Variants in EML6 observed in about 807,000 individuals in gnomAD.
EML6 encodes EMAP like 6.
A neutral mutation model predicts 240.1 loss-of-function variants in EML6; 154 were observed. That is an observed-to-expected ratio of 0.64 (90% CI 0.56 to 0.73). The LOEUF (loss-of-function observed/expected upper bound fraction) is 0.73, where lower values mean the gene tolerates loss of function less well. Among genes scored for constraint, EML6 ranks in the 30% least tolerant of loss-of-function variants. The pLI is 0.00. For synonymous variants in EML6, 1,148 were observed against 899.0 expected (o/e 1.28, Z -4.95); for missense variants, 2,964 against 2,474.6 (o/e 1.20, Z -4.20).
chr2:54,894,289 TAGAAC>T (rs1452401487), intron 19 of EML6, among the ~76,000 whole-genome samples: 1 of 151,980 alleles, frequency 6.6e-6, no homozygotes, highest in African/African-American at 2.4e-5. Flanking sequence ...ATTATAAGCT[TAGAAC>T]AGGAATAAAG....
rs533504639 is a variant in EML6, at chr2:54,967,053, G to T, written c.5547G>T (p.Gln1849His). The T allele has an allele frequency of 6.4e-7, 1 of 1,551,526 alleles. No individual in the cohort carries two copies. Reference sequence around the variant, plus strand: ...TGCATGAGGTCCCCCTGGGGAAGCAGGTAACTGAAGCCGTGGTCATTGAGA... The same window carrying T: ...TGCATGAGGTCCCCCTGGGGAAGCATGTAACTGAAGCCGTGGTCATTGAGA... ...RQVHEVPLGK[Q>H]VTEAVVIEKI... The change falls in exon 39 of 42, where the codon CAG (glutamine) becomes CAT (histidine). Residue 1849 changes from glutamine (Q) to histidine (H), a missense_variant. Coordinates refer to ENST00000356458, the MANE Select transcript of EML6 (RefSeq NM_001039753.4).
chr2:54,961,563 C>T (rs1283588659), intron 35 of EML6, among the ~76,000 whole-genome samples: 1 of 151,956 alleles, frequency 6.6e-6, no homozygotes, highest in Non-Finnish European at 1.5e-5. Context: ...GAATTGGCTG[C>T]TTTGCTCTGC....
chr2:54,788,462 TAGGC>T (rs1207210557), intron 2 of EML6, among the ~76,000 whole-genome samples: 21 of 151,160 alleles, frequency 1.4e-4, no homozygotes, highest in Non-Finnish European at 1.9e-4. Context: ...CGCTTAGGAT[TAGGC>T]GTCCAGCTGG....
intron 2 of EML6, among the ~76,000 whole-genome samples, chr2:54,788,308 G>C (rs1669199991): frequency 6.6e-6 from 1 of 152,174 alleles, no homozygotes; most frequent in African/African-American, 2.4e-5. Context: ...GTTATTTCAT[G>C]TGTTTTGTTG....
At chr2:54,889,915 T>G (rs1366379993) in intron 17 of EML6, among the ~76,000 whole-genome samples, 2 of 152,224 alleles carry the variant, frequency 1.3e-5, no homozygotes, top group Non-Finnish European at 2.9e-5. Flanking sequence ...TGTTCTATCT[T>G]TAAAGAAAAG....
chr2:54,869,386 C>CT lies in EML6; in HGVS notation c.2238+20dup. On this transcript the variant is annotated intron_variant, in intron 15 of 41. Coordinates refer to ENST00000356458, the MANE Select transcript of EML6 (RefSeq NM_001039753.4). ...TGGGCAGGTATCTATCTCCTGTAAA[C>CT]TAGGGCCTAGCCAAAAAGAGAATTT... is the stretch of plus-strand genomic sequence containing the variant. 1 of 1,502,376 alleles carries CT rather than the reference C, an allele frequency of 6.7e-7. No homozygotes were observed. Among genetic ancestry groups the CT allele is most frequent in the Non-Finnish European group, 9.0e-7 (1 of 1,112,952 alleles). The allele number at this position is 1,502,376 out of a possible 1,614,324, so 93.1% of individuals were successfully genotyped here. A position where few individuals can be genotyped will look rare whatever the true frequency, so the allele number is the denominator to read the frequency against.
intron 2 of EML6, among the ~76,000 whole-genome samples, chr2:54,799,980 T>G (rs1015330255): frequency 6.6e-6 from 1 of 152,092 alleles, no homozygotes; most frequent in African/African-American, 2.4e-5. Flanking sequence ...GTGTGGTGGC[T>G]CACGCCTGTA....
At chr2:54,723,885 AG>A (rs1342673684) in intron 1 of EML6, 108 bp downstream of exon 1, 2 of 152,318 alleles carry the variant, frequency 1.3e-5, no homozygotes, top group African/African-American at 4.8e-5. Context: ...AACAGTCCTG[AG>A]GGCGGGCATC....
At chr2:54,813,017 A>G (rs778525463) in intron 2 of EML6, among the ~76,000 whole-genome samples, 1 of 152,234 alleles carries the variant, frequency 6.6e-6, no homozygotes, top group African/African-American at 2.4e-5. Flanking sequence ...ACCAATGGGT[A>G]AGACCAAATG....
chr2:54,935,260 C>A (rs1396477521), intron 28 of EML6, among the ~76,000 whole-genome samples: 1 of 152,106 alleles, frequency 6.6e-6, no homozygotes, highest in Admixed American at 6.6e-5. Flanking sequence ...GTGTTCCTGT[C>A]CTGTGAATGG....
At chr2:54,815,189 G>T (rs143006635) in intron 3 of EML6, among the ~76,000 whole-genome samples, 1 of 152,260 alleles carries the variant, frequency 6.6e-6, no homozygotes, top group African/African-American at 2.4e-5. Flanking sequence ...ATTTATGTTA[G>T]AATCCTAGCT....
At chr2:54,843,511 T>C (rs1251651843) in intron 7 of EML6, among the ~76,000 whole-genome samples, 2 of 152,030 alleles carry the variant, frequency 1.3e-5, no homozygotes. Flanking sequence ...GCAAACTAGA[T>C]TACAAGGGGT....
chr2:54,907,895 A>AT (rs1353372130), intron 24 of EML6, among the ~76,000 whole-genome samples: 3 of 130,602 alleles, frequency 2.3e-5, no homozygotes, highest in African/African-American at 9.8e-5. Context: ...GATAGATTAG[A>AT]TAGATTAGAT....
chr2:54,875,083 C>T (rs1226571529), intron 16 of EML6, among the ~76,000 whole-genome samples: 1 of 152,270 alleles, frequency 6.6e-6, no homozygotes, highest in East Asian at 1.9e-4. Context: ...TGTGCAGGCT[C>T]ACTTTCTGCT....
chr2:54,839,792 G>A (rs1380340288), intron 7 of EML6, among the ~76,000 whole-genome samples: 2 of 152,134 alleles, frequency 1.3e-5, no homozygotes, highest in African/African-American at 2.4e-5. Context: ...CCCTGGATAT[G>A]GTCTGAAAAA....
chr2:54,949,102 C>T lies in EML6; in HGVS notation c.4083+142C>T, dbSNP rs1408362852. 1.4e-5 allele frequency: 9 copies of T among 664,740 alleles called. No individual in the cohort carries two copies. The East Asian group carries it at 1.4e-4, about 10-fold the overall frequency. The allele number at this position is 664,740 out of a possible 1,614,324, so 41.2% of individuals were successfully genotyped here. A position where few individuals can be genotyped will look rare whatever the true frequency, so the allele number is the denominator to read the frequency against. On this transcript the variant is annotated intron_variant, in intron 29 of 41. Transcript: ENST00000356458. ...TCTCTTTTGTCCCCTCTCCCTCCTA[C>T]GTAGCACTGTGTCTTCCATCCCAGG...
intron 10 of EML6, among the ~76,000 whole-genome samples, chr2:54,850,585 AAAC>A (rs1198447175): frequency 6.6e-6 from 1 of 152,054 alleles, no homozygotes; most frequent in Non-Finnish European, 1.5e-5. Flanking sequence ...AAGGAAAAAA[AAAC>A]ATTAGAAAAA....
rs1676661594 is a variant in EML6, at chr2:54,964,452, G to A, written c.5331-119G>A. The A allele has an allele frequency of 7.6e-6, 7 of 918,272 alleles. No individual in the cohort carries two copies. In the Admixed American group the frequency reaches 1.7e-4, roughly 22 times the overall value. 56.9% of individuals were successfully genotyped at this position (918,272 alleles called of 1,614,324 possible). ...GCCAGGAGAGGCTGACCACATGTGA[G>A]TCACAAGGTGGCTCTCATTGCCTTT... On this transcript the variant is annotated intron_variant, in intron 37 of 41. Coordinates refer to ENST00000356458, the MANE Select transcript of EML6 (RefSeq NM_001039753.4).
At chr2:54,907,405 G>T (rs1673381909) in intron 24 of EML6, among the ~76,000 whole-genome samples, 1 of 152,188 alleles carries the variant, frequency 6.6e-6, no homozygotes, top group Non-Finnish European at 1.5e-5. Context: ...TACTTGGGAG[G>T]CTGAGGCCAG....
Sources: allele counts gnomAD v4.1 joint callset (sites outside exome capture counted in the v4.1 genomes callset), GRCh38; gene constraint gnomAD v4.1.1; transcripts MANE v1.5; gene names NCBI Gene and HGNC (gene_info 2026-07-23, HGNC 2026-07-21).